GALNT17: variants seen among roughly 807,000 people sequenced by gnomAD.
GALNT17 encodes polypeptide N-acetylgalactosaminyltransferase 17.
In GALNT17, 29 loss-of-function variants were observed where a neutral mutation model predicts 63.7. The ratio of observed to expected loss-of-function variants is 0.46; its 90% CI spans 0.34 to 0.62. GALNT17 has a LOEUF of 0.62. Among genes scored for constraint, GALNT17 ranks in the 20% least tolerant of loss-of-function variants. The pLI is 0.01. For missense variants in GALNT17, 603 were observed against 799.6 expected (o/e 0.75, Z 2.97); for synonymous variants, 305 against 318.3 (o/e 0.96, Z 0.45).
chr7:71,571,119 G>A (rs1206795849), intron 5 of GALNT17, among the ~76,000 whole-genome samples, 166 bp from the exon 6 acceptor site: 1 of 124,392 alleles, frequency 8.0e-6, no homozygotes, highest in African/African-American at 4.0e-5. Flanking sequence ...CTGGAACCCA[G>A]TACATGCTAG....
intron 3 of GALNT17, among the ~76,000 whole-genome samples, chr7:71,390,857 CT>C (rs939802854): frequency 6.6e-6 from 1 of 152,176 alleles, no homozygotes; most frequent in African/African-American, 2.4e-5. Context: ...AAGATTGGTA[CT>C]GTCAGTGTCA....
In GALNT17 at chr7:71,510,478, T is replaced by C. The variant is rs927861401; in HGVS notation, c.963-60807T>C. Among the ~76,000 whole-genome samples the C allele has an allele frequency of 1.1e-4, 17 of 152,296 alleles. No homozygotes were observed. In the East Asian group the frequency reaches 1.9e-3, roughly 17 times the overall value. ...ATTTTGTCCTCCATCAGTTGGGTCA[T>C]GCCTGGGTGCTAATTTCCTGCCACT... On this transcript the variant is annotated intron_variant, in intron 5 of 10. Transcript: ENST00000333538.
intron 6 of GALNT17, among the ~76,000 whole-genome samples, chr7:71,648,219 A>G (rs923421751): frequency 1.3e-5 from 2 of 151,816 alleles, no homozygotes; most frequent in Non-Finnish European, 2.9e-5. Context: ...TCCATACATT[A>G]TCTCATATTA....
At chr7:71,136,175 G>A (rs80122258) in intron 1 of GALNT17, among the ~76,000 whole-genome samples, 2,222 of 152,242 alleles carry the variant, frequency 0.015, 51 homozygotes, top group East Asian at 0.049. Flanking sequence ...TGCTGCAGTG[G>A]GAGGCTGCTC....
At chr7:71,281,895 G>C (rs1367902733) in intron 1 of GALNT17, among the ~76,000 whole-genome samples, 4 of 152,128 alleles carry the variant, frequency 2.6e-5, no homozygotes, top group Admixed American at 6.6e-5. Flanking sequence ...TAGTGTCGTG[G>C]GATGAAGATG....
chr7:71,410,647 T>A (rs1331005006), intron 3 of GALNT17, among the ~76,000 whole-genome samples: 3 of 152,258 alleles, frequency 2.0e-5, no homozygotes, highest in African/African-American at 4.8e-5. Context: ...ACCGATAGTT[T>A]ATTCTGTCAT....
At chr7:71,656,571 C>T (rs73187195) in intron 6 of GALNT17, among the ~76,000 whole-genome samples, 39,231 of 151,680 alleles carry the variant, frequency 0.26, 5,180 homozygotes, top group African/African-American at 0.28. Flanking sequence ...GGCTGCTGAG[C>T]GGAGGTCAGA....
intron 6 of GALNT17, among the ~76,000 whole-genome samples, chr7:71,646,318 G>C (rs1790675217): frequency 6.6e-6 from 1 of 152,168 alleles, no homozygotes; most frequent in African/African-American, 2.4e-5. Context: ...AGGGTTCTGA[G>C]AACATTCTAT....
At chr7:71,327,833 A>T (rs1791730185) in intron 1 of GALNT17, among the ~76,000 whole-genome samples, 1 of 152,152 alleles carries the variant, frequency 6.6e-6, no homozygotes, top group South Asian at 2.1e-4. Context: ...AACCTAAGAG[A>T]GGCATGCCTG....
intron 1 of GALNT17, among the ~76,000 whole-genome samples, chr7:71,275,182 A>T (rs933117950): frequency 6.6e-6 from 1 of 152,180 alleles, no homozygotes; most frequent in African/African-American, 2.4e-5. Context: ...TAAATATAAT[A>T]ATCCTTCCCT....
intron 2 of GALNT17, among the ~76,000 whole-genome samples, chr7:71,345,001 G>C (rs113293673): frequency 0.031 from 4,526 of 147,506 alleles, 107 homozygotes; most frequent in East Asian, 0.068. Flanking sequence ...CCAAAGTATT[G>C]GTTTTCTTGA....
intron 6 of GALNT17, among the ~76,000 whole-genome samples, chr7:71,665,016 C>T (rs58850827): frequency 2.3e-4 from 35 of 152,270 alleles, no homozygotes; most frequent in African/African-American, 8.4e-4. Flanking sequence ...TTTGCCCTGT[C>T]ACCCAGGCTG....
rs1245674191 is a variant in GALNT17, at chr7:71,564,103, C to G, written c.963-7182C>G. On this transcript the variant is annotated intron_variant, in intron 5 of 10. Coordinates refer to ENST00000333538, the MANE Select transcript of GALNT17 (RefSeq NM_022479.3). The stretch of plus-strand genomic sequence containing the variant: ...CCACGTGGCAGGGGTCTTGCCAGCT[C>G]CCAGCACTATAGGGAAGACTTGGTG... Among the ~76,000 whole-genome samples, 9 of 152,066 alleles carry G rather than the reference C, an allele frequency of 5.9e-5. No individual in the cohort carries two copies. The South Asian group carries it at 1.7e-3, about 28-fold the overall frequency.
chr7:71,532,777 A>G (rs1788742221), intron 5 of GALNT17, among the ~76,000 whole-genome samples: 2 of 152,098 alleles, frequency 1.3e-5, no homozygotes, highest in Admixed American at 6.6e-5. Context: ...TCATGTGGGG[A>G]GGAACAAAGG....
At chr7:71,692,302 C>T (rs1160331926) in intron 9 of GALNT17, among the ~76,000 whole-genome samples, 1 of 152,134 alleles carries the variant, frequency 6.6e-6, no homozygotes, top group Non-Finnish European at 1.5e-5. Flanking sequence ...GGTCCTGCCA[C>T]CCTACAACAA....
chr7:71,132,683 A>G lies in GALNT17; in HGVS notation c.-120A>G, dbSNP rs998467708. 1 of 787,100 alleles carries G rather than the reference A, an allele frequency of 1.3e-6. No homozygotes were observed. The highest frequency in any genetic ancestry group is 2.0e-6 in the Non-Finnish European group (1 of 507,988). 48.8% of individuals were successfully genotyped at this position (787,100 alleles called of 1,614,324 possible). On this transcript the variant is annotated 5_prime_UTR_variant, in exon 1 of 11. Coordinates refer to ENST00000333538, the MANE Select transcript of GALNT17 (RefSeq NM_022479.3). ...CGAGCATCCTTGAGGTGGGACGAGC[A>G]GGGGCTTGGATCCCTGCCGGCCGTC...
intron 5 of GALNT17, among the ~76,000 whole-genome samples, chr7:71,486,095 G>C (rs1461307709): frequency 6.6e-6 from 1 of 151,932 alleles, no homozygotes; most frequent in Non-Finnish European, 1.5e-5. Context: ...TGGGAGACTG[G>C]GGCAGGGCGG....
intron 1 of GALNT17, among the ~76,000 whole-genome samples, chr7:71,228,817 T>G (rs936159753): frequency 2.0e-5 from 3 of 152,216 alleles, no homozygotes; most frequent in African/African-American, 7.2e-5. Flanking sequence ...CTTGATCACA[T>G]TTGCAGAGAC....
At chr7:71,182,369 T>C (rs4717584) in intron 1 of GALNT17, among the ~76,000 whole-genome samples, 39,596 of 152,060 alleles carry the variant, frequency 0.26, 9,525 homozygotes, top group African/African-American at 0.65. Flanking sequence ...AACACTGACA[T>C]GTCCTGTGGA....
Sources: gnomAD v4.1 joint callset for allele counts (sites outside exome capture counted in the v4.1 genomes callset) on GRCh38, gnomAD v4.1.1 for gene constraint, MANE v1.5 for transcripts, NCBI Gene and HGNC (gene_info 2026-07-23, HGNC 2026-07-21) for gene names.